Variants in MSRA observed in about 807,000 individuals in gnomAD.
MSRA encodes methionine sulfoxide reductase A, also known as mitochondrial peptide methionine sulfoxide reductase.
Under a neutral mutation model 31.3 loss-of-function variants are expected in MSRA, and 54 were observed. The ratio of observed to expected loss-of-function variants is 1.73; its 90% CI spans 1.39 to 2.17. The LOEUF (loss-of-function observed/expected upper bound fraction) is 2.17. Among genes scored for constraint, MSRA ranks in the 30% most tolerant of loss-of-function variants. The probability of loss-of-function intolerance (pLI) is 0.00; values close to 1 mark genes in which losing one functional copy is unlikely to be tolerated. For missense variants in MSRA, 507 were observed against 300.9 expected (o/e 1.69, Z -5.07); for synonymous variants, 169 against 116.5 (o/e 1.45, Z -2.90).
intron 1 of MSRA, among the ~76,000 whole-genome samples, chr8:10,098,846 A>G (rs995146950): frequency 1.3e-5 from 2 of 152,234 alleles, no homozygotes; most frequent in South Asian, 2.1e-4. Flanking sequence ...CTCACATGCT[A>G]GATCTTACAT....
Position 10,383,541 on chromosome 8 carries a change from A to T in MSRA, c.544-44607A>T, listed in dbSNP as rs560456043. The stretch of plus-strand genomic sequence containing the variant: ...TAGCTCCTTAATTTAGCTGCCTGTC[A>T]GTTATTTTTTTTTTCCAGGTGGTTT... On this transcript the variant is annotated intron_variant, in intron 5 of 5. Coordinates refer to ENST00000317173, the MANE Select transcript of MSRA (RefSeq NM_012331.5). 3.9e-5 allele frequency among the ~76,000 whole-genome samples: 6 copies of T among 152,104 alleles called. No individual in the cohort carries two copies. In the East Asian group the frequency reaches 1.2e-3, roughly 29 times the overall value.
At chr8:10,168,877 C>G (rs1327672078) in intron 1 of MSRA, among the ~76,000 whole-genome samples, 1 of 152,140 alleles carries the variant, frequency 6.6e-6, no homozygotes, top group Non-Finnish European at 1.5e-5. Flanking sequence ...ATCAATACAC[C>G]TGATATATTG....
At chr8:10,167,322 G>A (rs1189877036) in intron 1 of MSRA, among the ~76,000 whole-genome samples, 1 of 152,138 alleles carries the variant, frequency 6.6e-6, no homozygotes, top group Non-Finnish European at 1.5e-5. Flanking sequence ...AAAATCACAT[G>A]GAAACCAATC....
At chr8:10,119,501 G>A (rs1244924549) in intron 1 of MSRA, among the ~76,000 whole-genome samples, 2 of 152,198 alleles carry the variant, frequency 1.3e-5, no homozygotes, top group Non-Finnish European at 2.9e-5. Flanking sequence ...GCACAGAAAA[G>A]CAACCAGGGC....
At chr8:10,252,356 G>A (rs2975706) in intron 3 of MSRA, among the ~76,000 whole-genome samples, 1 of 152,184 alleles carries the variant, frequency 6.6e-6, no homozygotes, top group Non-Finnish European at 1.5e-5. Context: ...GAAATGTTAA[G>A]ATGTGAAGAG....
At chr8:10,305,243 CA>C (rs1259259053) in intron 4 of MSRA, among the ~76,000 whole-genome samples, 3 of 152,058 alleles carry the variant, frequency 2.0e-5, no homozygotes, top group Non-Finnish European at 4.4e-5. Flanking sequence ...GTAGTAGAAA[CA>C]GCAAGAATGT....
At chr8:10,232,177 G>A (rs192003220) in intron 2 of MSRA, among the ~76,000 whole-genome samples, 1 of 152,172 alleles carries the variant, frequency 6.6e-6, no homozygotes, top group Non-Finnish European at 1.5e-5. Flanking sequence ...AGGGGAAAGA[G>A]CTGGAAGAGA....
At chr8:10,417,316 T>C (rs1808519379) in intron 5 of MSRA, among the ~76,000 whole-genome samples, 1 of 152,062 alleles carries the variant, frequency 6.6e-6, no homozygotes, top group Non-Finnish European at 1.5e-5. Context: ...CCAGCAGTGA[T>C]TGATGACTCA....
chr8:10,242,577 T>C (rs1157094600), intron 2 of MSRA, among the ~76,000 whole-genome samples: 1 of 152,192 alleles, frequency 6.6e-6, no homozygotes, highest in Non-Finnish European at 1.5e-5. Flanking sequence ...TGCATCAGTT[T>C]TGTTTTATAA....
chr8:10,350,632 A>G (rs968462454), intron 5 of MSRA, among the ~76,000 whole-genome samples: 1 of 152,230 alleles, frequency 6.6e-6, no homozygotes, highest in African/African-American at 2.4e-5. Context: ...TCAAATTTGC[A>G]GAGTCAGCTT....
intron 1 of MSRA, among the ~76,000 whole-genome samples, chr8:10,115,944 T>C (rs1010729821): frequency 6.6e-6 from 1 of 152,206 alleles, no homozygotes; most frequent in African/African-American, 2.4e-5. Context: ...GTGGGGACCA[T>C]AGGGCCAGAA....
chr8:10,083,621 G>T (rs901630972), intron 1 of MSRA, among the ~76,000 whole-genome samples: 1 of 152,174 alleles, frequency 6.6e-6, no homozygotes, highest in Non-Finnish European at 1.5e-5. Context: ...GGCAGTTCCA[G>T]ATCATTTGTT....
intron 1 of MSRA, among the ~76,000 whole-genome samples, chr8:10,119,769 C>T (rs1212621325): frequency 6.6e-6 from 1 of 152,060 alleles, no homozygotes; most frequent in Non-Finnish European, 1.5e-5. Context: ...GAGAACAATG[C>T]TGGGGTTATC....
intron 1 of MSRA, among the ~76,000 whole-genome samples, chr8:10,150,110 G>C (rs563902697): frequency 6.6e-6 from 1 of 152,014 alleles, no homozygotes; most frequent in East Asian, 2.0e-4. Flanking sequence ...CAGGAATGCC[G>C]AGAGCTGACT....
chr8:10,143,789 T>C (rs962001579), intron 1 of MSRA, among the ~76,000 whole-genome samples: 3 of 152,182 alleles, frequency 2.0e-5, no homozygotes, highest in African/African-American at 7.2e-5. Flanking sequence ...ACCTGACTCT[T>C]CAGATACATA....
rs78079097 is a variant in MSRA at position 10,369,871 on chromosome 8, A to G, written c.543+49882A>G. Among the ~76,000 whole-genome samples the G allele has an allele frequency of 1.1e-3, 162 of 152,352 alleles. 2 individuals are homozygous for G. In the East Asian group the frequency reaches 0.023, roughly 22 times the overall value. On this transcript the variant is annotated intron_variant, in intron 5 of 5. Coordinates refer to ENST00000317173, the MANE Select transcript of MSRA (RefSeq NM_012331.5). The stretch of plus-strand genomic sequence containing the variant: ...TTCAAAGCACTATTATATAACTTAT[A>G]GCAGATAAAAGAGGAACAATCATTC...
intron 1 of MSRA, among the ~76,000 whole-genome samples, chr8:10,098,530 C>T (rs1479292249): frequency 1.3e-5 from 2 of 151,826 alleles, no homozygotes; most frequent in South Asian, 2.1e-4. Context: ...TTTTGGGTAA[C>T]GGGGATGGAA....
At chr8:10,270,258 T>A (rs2129099744) in intron 3 of MSRA, among the ~76,000 whole-genome samples, 1 of 152,324 alleles carries the variant, frequency 6.6e-6, no homozygotes, top group South Asian at 2.1e-4. Flanking sequence ...AAAGTTCTGC[T>A]TATTGGTAGC....
At chr8:10,062,381 C>T (rs756969386) in intron 1 of MSRA, among the ~76,000 whole-genome samples, 2 of 152,180 alleles carry the variant, frequency 1.3e-5, no homozygotes, top group Non-Finnish European at 2.9e-5. Context: ...ACATGCTGCT[C>T]TTATCTTCCT....
Sources: allele counts gnomAD v4.1 joint callset (sites outside exome capture counted in the v4.1 genomes callset), GRCh38; gene constraint gnomAD v4.1.1; transcripts MANE v1.5; gene names NCBI Gene and HGNC (gene_info 2026-07-23, HGNC 2026-07-21).